Variants in EFCAB5 observed in about 807,000 individuals in gnomAD.
The protein encoded by EFCAB5 is EF-hand calcium binding domain 5.
Under a neutral mutation model 167.9 loss-of-function variants are expected in EFCAB5, and 131 were observed. The ratio of observed to expected loss-of-function variants is 0.78; its 90% CI spans 0.68 to 0.90. The LOEUF is 0.90. Among genes scored for constraint, EFCAB5 ranks in the 40% least tolerant of loss-of-function variants. The pLI, the probability that EFCAB5 is intolerant of heterozygous loss-of-function variation, is 0.00. For synonymous variants in EFCAB5, 574 were observed against 602.8 expected (o/e 0.95, Z 0.70); for missense variants, 1,663 against 1,745.2 (o/e 0.95, Z 0.84).
At chr17:29,957,705 A>G (rs1743142019) in intron 3 of EFCAB5, among the ~76,000 whole-genome samples, 1 of 152,204 alleles carries the variant, frequency 6.6e-6, no homozygotes, top group African/African-American at 2.4e-5. Flanking sequence ...TATATGTACC[A>G]CATTTTCTTT....
intron 7 of EFCAB5, among the ~76,000 whole-genome samples, chr17:30,012,710 T>C (rs1333011862): frequency 4.6e-5 from 7 of 152,172 alleles, no homozygotes; most frequent in Non-Finnish European, 8.8e-5. Flanking sequence ...TTGTCTTGTG[T>C]CTTTATTTCT....
rs143395683 is a variant in EFCAB5, at chr17:29,973,929, G to A, written c.767+4562G>A. Among the ~76,000 whole-genome samples the A allele has an allele frequency of 6.3e-3, 959 of 151,800 alleles. 5 individuals are homozygous for A. The highest frequency in any genetic ancestry group is 0.022 in the African/African-American group (921 of 41,436). On this transcript the variant is annotated intron_variant, in intron 4 of 22. Coordinates refer to ENST00000394835, the MANE Select transcript of EFCAB5 (RefSeq NM_198529.4). The stretch of plus-strand genomic sequence containing the variant: ...TCCCAGGACTTTGGGAGGTCAAGAT[G>A]GGTGAATCACCTGAGGTCAGGAGTT...
intron 3 of EFCAB5, among the ~76,000 whole-genome samples, chr17:29,953,384 G>T (rs1457086298): frequency 3.3e-5 from 5 of 152,190 alleles, no homozygotes; most frequent in African/African-American, 1.2e-4. Context: ...ATTCCCATGT[G>T]TCATGGGAGG....
intron 3 of EFCAB5, among the ~76,000 whole-genome samples, chr17:29,945,815 C>G (rs1449122418): frequency 6.6e-6 from 1 of 152,156 alleles, no homozygotes; most frequent in Non-Finnish European, 1.5e-5. Context: ...ATCCCTATCT[C>G]TCACCTTATA....
At position 29,969,053 on chromosome 17, in the gene EFCAB5, C is replaced by T. The variant is rs1479152787; in HGVS notation, c.453C>T (p.Leu151=). The change falls in exon 4 of 23, where the codon CTC becomes CTT. Residue 151 remains leucine (L), a synonymous_variant. Transcript: ENST00000394835. The part of the protein sequence containing the change: ...KELEKKAEKK[L]PRDNLAKEWF... ...TAGAAAAAAAGGCTGAAAAAAAACT[C>T]CCTAGGGATAATTTGGCCAAAGAGT... 2 of 1,608,608 alleles carry T rather than the reference C, an allele frequency of 1.2e-6. No homozygotes were observed. The highest frequency in any genetic ancestry group is 1.7e-6 in the Non-Finnish European group (2 of 1,177,872).
At position 29,969,405 on chromosome 17, in the gene EFCAB5, C is replaced by T. The variant is rs1357626296; in HGVS notation, c.767+38C>T. The T allele has an allele frequency of 9.5e-6, 14 of 1,472,758 alleles. No homozygotes were observed. In the East Asian group the frequency reaches 3.0e-4, roughly 32 times the overall value. The allele number at this position is 1,472,758 out of a possible 1,614,324, so 91.2% of individuals were successfully genotyped here. A position where few individuals can be genotyped will look rare whatever the true frequency, so the allele number is the denominator to read the frequency against. On this transcript the variant is annotated intron_variant, in intron 4 of 22. Coordinates refer to ENST00000394835, the MANE Select transcript of EFCAB5 (RefSeq NM_198529.4). ...ATAGTTTCAGTTCATGATCTGTCTC[C>T]TTACATTGAAAAACTAGTAGAAAAA... is the stretch of plus-strand genomic sequence containing the variant.
intron 7 of EFCAB5, among the ~76,000 whole-genome samples, chr17:30,029,123 CATTT>C (rs1186743360): frequency 6.6e-6 from 1 of 151,970 alleles, no homozygotes; most frequent in East Asian, 1.9e-4. Flanking sequence ...TTGTTCAATT[CATTT>C]GTTAAGCAAA....
At chr17:30,023,916 A>G (rs1227513647) in intron 7 of EFCAB5, among the ~76,000 whole-genome samples, 1 of 152,198 alleles carries the variant, frequency 6.6e-6, no homozygotes, top group Non-Finnish European at 1.5e-5. Context: ...TATAAACAGA[A>G]CTGAAGACAA....
At chr17:29,948,250 A>C (rs968736206) in intron 3 of EFCAB5, among the ~76,000 whole-genome samples, 3 of 152,212 alleles carry the variant, frequency 2.0e-5, no homozygotes, top group African/African-American at 4.8e-5. Context: ...AACTGTACAT[A>C]TGTATTCCAT....
intron 7 of EFCAB5, among the ~76,000 whole-genome samples, chr17:30,028,698 T>A (rs1047753122): frequency 6.6e-6 from 1 of 152,060 alleles, no homozygotes; most frequent in African/African-American, 2.4e-5. Context: ...GATTGAGAGG[T>A]TTAAACAACC....
intron 22 of EFCAB5, among the ~76,000 whole-genome samples, chr17:30,102,661 C>T (rs1005140554): frequency 7.2e-5 from 11 of 152,012 alleles, no homozygotes; most frequent in Non-Finnish European, 1.6e-4. Context: ...CATTCAATTT[C>T]TTTCATATTT....
intron 7 of EFCAB5, among the ~76,000 whole-genome samples, chr17:30,012,000 C>G (rs1201666497): frequency 6.6e-6 from 1 of 152,062 alleles, no homozygotes; most frequent in East Asian, 1.9e-4. Flanking sequence ...AAAAACCAGG[C>G]CATACAGAGA....
chr17:30,103,130 C>A (rs1028706151), intron 22 of EFCAB5, among the ~76,000 whole-genome samples: 13 of 151,388 alleles, frequency 8.6e-5, no homozygotes, highest in African/African-American at 3.2e-4. Flanking sequence ...CTGCATCCGG[C>A]CAAAGGACTT....
intron 7 of EFCAB5, among the ~76,000 whole-genome samples, chr17:30,014,931 T>C (rs2068995990): frequency 6.6e-6 from 1 of 152,210 alleles, no homozygotes; most frequent in Non-Finnish European, 1.5e-5. Flanking sequence ...TTGCAGTGGC[T>C]GGTACTGGTT....
At chr17:29,995,377 G>A (rs1446609762) in intron 5 of EFCAB5, among the ~76,000 whole-genome samples, 1 of 152,202 alleles carries the variant, frequency 6.6e-6, no homozygotes, top group Non-Finnish European at 1.5e-5. Flanking sequence ...AAAAACTGTT[G>A]CCATGACCTT....
intron 7 of EFCAB5, among the ~76,000 whole-genome samples, chr17:30,014,132 C>A (rs535818662): frequency 1.3e-5 from 2 of 152,138 alleles, no homozygotes; most frequent in African/African-American, 4.8e-5. Context: ...TTTCTTAATC[C>A]TGAGTTCTCA....
At chr17:30,096,677 A>ATATATATATAT (rs1193558323) in intron 22 of EFCAB5, among the ~76,000 whole-genome samples, 2 of 60,122 alleles carry the variant, frequency 3.3e-5, no homozygotes, top group African/African-American at 1.7e-4. Flanking sequence ...ATATATATAT[A>ATATATATATAT]TTTTTTTTTT....
intron 1 of EFCAB5, chr17:29,930,216 T>C (rs955951442): frequency 1.1e-5 from 6 of 555,918 alleles, no homozygotes; most frequent in South Asian, 2.2e-5. Context: ...GTTCCGCAGC[T>C]GCGGGGCACA....
At chr17:30,069,482 CAGTT>C (rs2070671363) in intron 14 of EFCAB5, 7 of 1,591,376 alleles carry the variant, frequency 4.4e-6, no homozygotes, top group Non-Finnish European at 6.0e-6. Context: ...TGGCGTTCAC[CAGTT>C]AGTTGTGGGG....
Sources: gnomAD v4.1 joint callset for allele counts (sites outside exome capture counted in the v4.1 genomes callset) on GRCh38, gnomAD v4.1.1 for gene constraint, MANE v1.5 for transcripts, NCBI Gene and HGNC (gene_info 2026-07-23, HGNC 2026-07-21) for gene names.